The following NCAM2 variants were observed in gnomAD, a reference collection of about 807,000 sequenced individuals.
NCAM2 encodes the protein neural cell adhesion molecule 2, also known as N-CAM-2.
A neutral mutation model predicts 98.1 loss-of-function variants in NCAM2; 30 were observed. The ratio of observed to expected loss-of-function variants is 0.31; its 90% CI spans 0.23 to 0.41. The LOEUF (loss-of-function observed/expected upper bound fraction) is 0.41, where lower values mean the gene tolerates loss of function less well. Among genes scored for constraint, NCAM2 ranks in the 10% least tolerant of loss-of-function variants. The pLI, the probability that NCAM2 is intolerant of heterozygous loss-of-function variation, is 1.00. For missense variants in NCAM2, 867 were observed against 1,005.8 expected, an observed-to-expected ratio of 0.86 and a Z score of 1.87; for synonymous variants, 368 against 342.4, an observed-to-expected ratio of 1.07 and a Z score of -0.83.
At chr21:21,019,115 G>A (rs756667746) in intron 1 of NCAM2, among the ~76,000 whole-genome samples, 4 of 152,172 alleles carry the variant, frequency 2.6e-5, no homozygotes, top group Non-Finnish European at 5.9e-5. Flanking sequence ...AGTTGCTGGT[G>A]GTTTCCTGTG....
intron 1 of NCAM2, among the ~76,000 whole-genome samples, chr21:21,173,866 G>T (rs555516635): frequency 6.6e-6 from 1 of 152,250 alleles, no homozygotes; most frequent in African/African-American, 2.4e-5. Context: ...ATACCCAGAG[G>T]CTTGAAGGGT....
intron 8 of NCAM2, among the ~76,000 whole-genome samples, chr21:21,359,675 G>A (rs981264807): frequency 1.3e-5 from 2 of 151,822 alleles, no homozygotes; most frequent in Non-Finnish European, 2.9e-5. Flanking sequence ...AGGCTTTGCA[G>A]CAAAACATAT....
At chr21:21,103,593 A>AG (rs2066287284) in intron 1 of NCAM2, among the ~76,000 whole-genome samples, 1 of 152,210 alleles carries the variant, frequency 6.6e-6, no homozygotes, top group Middle Eastern at 3.4e-3. Context: ...ATTGCTATCG[A>AG]GGGAAAAAAA....
chr21:21,293,259 A>G (rs754664348), intron 5 of NCAM2, among the ~76,000 whole-genome samples: 4 of 151,228 alleles, frequency 2.6e-5, no homozygotes, highest in Non-Finnish European at 4.4e-5. Context: ...TTTCTCTATC[A>G]TGTTGTTTTC....
rs75971734 is a variant in NCAM2 at position 21,455,533 on chromosome 21, T to A, written c.1655-11073T>A. 7.5e-3 allele frequency among the ~76,000 whole-genome samples: 1,142 copies of A among 152,094 alleles called. 18 individuals are homozygous for A. Among genetic ancestry groups the A allele is most frequent in the African/African-American group, 0.025 (1,059 of 41,562 alleles). ...ATGTTTATTCATAGAATTACTGTCCTAATAATTTAACTTCTCCAGAAAACA... is the reference window on the plus strand; with the variant it reads ...ATGTTTATTCATAGAATTACTGTCCAAATAATTTAACTTCTCCAGAAAACA... On this transcript the variant is annotated intron_variant, in intron 12 of 17. Coordinates refer to ENST00000400546, the MANE Select transcript of NCAM2 (RefSeq NM_004540.5).
At chr21:21,275,145 A>T (rs2072676760) in intron 1 of NCAM2, among the ~76,000 whole-genome samples, 2 of 152,160 alleles carry the variant, frequency 1.3e-5, no homozygotes, top group Non-Finnish European at 2.9e-5. Flanking sequence ...TCTTTATTTA[A>T]AAAGATAAAT....
In NCAM2 at chr21:21,542,012, A is replaced by G. The variant is rs909110483; in HGVS notation, c.*4055A>G. ...TCACTCACATTGAAATTGCATATGG[A>G]TGTATCAACATAGGCTAAAATTAAA... is the stretch of plus-strand genomic sequence containing the variant. On this transcript the variant is annotated 3_prime_UTR_variant, in exon 18 of 18. Coordinates refer to ENST00000400546, the MANE Select transcript of NCAM2 (RefSeq NM_004540.5). 2 of 151,930 alleles carry G rather than the reference A, an allele frequency of 1.3e-5. No homozygotes were observed. Among genetic ancestry groups the G allele is most frequent in the African/African-American group, 4.8e-5 (2 of 41,424 alleles). The allele number at this position is 151,930 out of a possible 1,614,324, so 9.4% of individuals were successfully genotyped here.
intron 12 of NCAM2, among the ~76,000 whole-genome samples, chr21:21,446,252 C>T (rs988757423): frequency 6.6e-6 from 1 of 151,808 alleles, no homozygotes; most frequent in African/African-American, 2.4e-5. Context: ...TTTTCCTGGC[C>T]TTAACATTTT....
intron 1 of NCAM2, among the ~76,000 whole-genome samples, chr21:21,239,796 T>A (rs2147231067): frequency 6.6e-6 from 1 of 152,286 alleles, no homozygotes; most frequent in East Asian, 1.9e-4. Context: ...ATAAAATATA[T>A]ACACCTTAAA....
chr21:21,194,886 A>T (rs1277389203), intron 1 of NCAM2, among the ~76,000 whole-genome samples: 1 of 152,114 alleles, frequency 6.6e-6, no homozygotes. Flanking sequence ...AGAAGTTTGT[A>T]CCCTTTGACC....
intron 6 of NCAM2, among the ~76,000 whole-genome samples, chr21:21,328,568 G>T (rs1173098377): frequency 2.1e-5 from 3 of 146,028 alleles, no homozygotes; most frequent in Admixed American, 6.8e-5. Context: ...GCTAATGGGG[G>T]TATCTTCCTT....
At chr21:21,100,272 A>T (rs995109362) in intron 1 of NCAM2, among the ~76,000 whole-genome samples, 1 of 151,944 alleles carries the variant, frequency 6.6e-6, no homozygotes, top group African/African-American at 2.4e-5. Context: ...GGTTAAAGAG[A>T]TTATATCAAG....
At chr21:21,353,081 G>A (rs982784641) in intron 8 of NCAM2, among the ~76,000 whole-genome samples, 5 of 151,980 alleles carry the variant, frequency 3.3e-5, no homozygotes, top group Non-Finnish European at 5.9e-5. Context: ...AGGCTGGAAA[G>A]TGTTATTTTC....
intron 12 of NCAM2, among the ~76,000 whole-genome samples, chr21:21,452,182 ACAC>A (rs1400580268): frequency 2.7e-5 from 4 of 150,316 alleles, no homozygotes; most frequent in Non-Finnish European, 5.9e-5. Flanking sequence ...ACACACACAC[ACAC>A]ACACACACAC....
At chr21:21,249,302 A>G (rs1257805840) in intron 1 of NCAM2, among the ~76,000 whole-genome samples, 1 of 152,172 alleles carries the variant, frequency 6.6e-6, no homozygotes, top group African/African-American at 2.4e-5. Context: ...ACAATTATTG[A>G]TGCACTTGAG....
intron 1 of NCAM2, among the ~76,000 whole-genome samples, chr21:21,223,978 C>T (rs1224432144): frequency 2.0e-5 from 3 of 152,136 alleles, no homozygotes; most frequent in Non-Finnish European, 4.4e-5. Flanking sequence ...AATCACGGAA[C>T]ACAGTGCATG....
intron 1 of NCAM2, among the ~76,000 whole-genome samples, chr21:21,174,727 C>T (rs1202137968): frequency 6.6e-6 from 1 of 150,710 alleles, no homozygotes; most frequent in African/African-American, 2.4e-5. Context: ...AGCTAGGAGA[C>T]AGGAAATTAA....
intron 9 of NCAM2, among the ~76,000 whole-genome samples, chr21:21,385,371 AACACAC>A (rs543136137): frequency 1.0e-4 from 11 of 110,156 alleles, no homozygotes; most frequent in East Asian, 9.1e-4. Context: ...CACAATGTTA[AACACAC>A]ACACACACAC....
chr21:21,435,647 T>A (rs114842530), intron 12 of NCAM2, among the ~76,000 whole-genome samples: 1 of 152,238 alleles, frequency 6.6e-6, no homozygotes, highest in African/African-American at 2.4e-5. Flanking sequence ...TTTTTTCTTC[T>A]CTCTATGAAT....
Sources: gnomAD v4.1 joint callset for allele counts (sites outside exome capture counted in the v4.1 genomes callset) on GRCh38, gnomAD v4.1.1 for gene constraint, MANE v1.5 for transcripts, NCBI Gene and HGNC (gene_info 2026-07-23, HGNC 2026-07-21) for gene names.